Variants in CSMD3 observed in about 807,000 individuals in gnomAD.
The protein encoded by CSMD3 is CUB and Sushi multiple domains 3, also known as CUB and sushi domain-containing protein 3.
CSMD3 carries 177 observed loss-of-function variants against 435.2 expected under a neutral mutation model. The ratio of observed to expected loss-of-function variants is 0.41; its 90% CI spans 0.36 to 0.46. CSMD3 has a LOEUF of 0.46. CSMD3 is among the 20% of genes least tolerant of loss of function. CSMD3 has a pLI of 0.34. For synonymous variants in CSMD3, 1,656 were observed against 1,520.5 expected, an observed-to-expected ratio of 1.09 and a Z score of -2.07; for missense variants, 4,265 against 4,504.6, an observed-to-expected ratio of 0.95 and a Z score of 1.52.
intron 32 of CSMD3, among the ~76,000 whole-genome samples, chr8:112,421,993 G>A (rs1018513519): frequency 6.6e-6 from 1 of 151,906 alleles, no homozygotes; most frequent in African/African-American, 2.4e-5. Context: ...AAATTAGTAA[G>A]CTAAAAAGGG....
intron 1 of CSMD3, among the ~76,000 whole-genome samples, chr8:113,328,209 C>T (rs2093998411): frequency 6.6e-6 from 1 of 151,618 alleles, no homozygotes; most frequent in Non-Finnish European, 1.5e-5. Context: ...GAGGCCGAGG[C>T]GGGCGGATCA....
At chr8:112,382,881 C>T (rs535134065) in intron 37 of CSMD3, among the ~76,000 whole-genome samples, 3 of 152,264 alleles carry the variant, frequency 2.0e-5, no homozygotes, top group Admixed American at 6.5e-5. Flanking sequence ...ATCCCAGCTA[C>T]TCTGGAGGCT....
intron 22 of CSMD3, among the ~76,000 whole-genome samples, chr8:112,617,867 A>G (rs1833778542): frequency 6.6e-6 from 1 of 152,146 alleles, no homozygotes; most frequent in Non-Finnish European, 1.5e-5. Context: ...CCAAGTCTTC[A>G]CTTCAATTTA....
chr8:112,776,416 T>A (rs1332439721), intron 13 of CSMD3, among the ~76,000 whole-genome samples: 1 of 151,764 alleles, frequency 6.6e-6, no homozygotes, highest in Non-Finnish European at 1.5e-5. Context: ...TCAACTTGAC[T>A]AAGATTTAGG....
At chr8:112,427,953 C>A (rs970327104) in intron 32 of CSMD3, among the ~76,000 whole-genome samples, 3 of 152,110 alleles carry the variant, frequency 2.0e-5, no homozygotes, top group Non-Finnish European at 2.9e-5. Flanking sequence ...ATCTAAAATG[C>A]AAATATGATC....
intron 1 of CSMD3, among the ~76,000 whole-genome samples, chr8:113,401,675 A>C (rs1195309337): frequency 6.6e-6 from 1 of 151,722 alleles, no homozygotes; most frequent in Non-Finnish European, 1.5e-5. Context: ...GTTAAAGTTA[A>C]CATAGACAGC....
At chr8:112,377,036 A>G (rs1204182051) in intron 38 of CSMD3, among the ~76,000 whole-genome samples, 2 of 152,248 alleles carry the variant, frequency 1.3e-5, no homozygotes, top group South Asian at 2.1e-4. Flanking sequence ...TTTTATGATG[A>G]AAAGTTTTGC....
At chr8:112,903,159 A>AG (rs1233384727) in intron 10 of CSMD3, among the ~76,000 whole-genome samples, 40 of 131,592 alleles carry the variant, frequency 3.0e-4, no homozygotes, top group Non-Finnish European at 5.5e-4. Flanking sequence ...GGCAAAAAAA[A>AG]AAAAAAAAAA....
chr8:113,219,298 C>T (rs569870345), intron 3 of CSMD3, among the ~76,000 whole-genome samples: 26 of 150,986 alleles, frequency 1.7e-4, no homozygotes, highest in East Asian at 1.6e-3. Flanking sequence ...TATACCTATC[C>T]GCAAATGACA....
intron 3 of CSMD3, among the ~76,000 whole-genome samples, chr8:113,228,414 A>G (rs970574798): frequency 6.6e-6 from 1 of 151,640 alleles, no homozygotes; most frequent in Non-Finnish European, 1.5e-5. Context: ...TAATAGTTCT[A>G]TGTTTATAAG....
intron 10 of CSMD3, among the ~76,000 whole-genome samples, chr8:112,893,516 C>T (rs2081862258): frequency 6.6e-6 from 1 of 151,504 alleles, no homozygotes; most frequent in African/African-American, 2.4e-5. Context: ...GAACCACTCA[C>T]TGGCTTAGAT....
At chr8:113,209,912 T>A (rs2132071341) in intron 3 of CSMD3, among the ~76,000 whole-genome samples, 1 of 152,084 alleles carries the variant, frequency 6.6e-6, no homozygotes, top group Admixed American at 6.6e-5. Flanking sequence ...AAACCCAAAC[T>A]TTAAAAATGC....
chr8:112,546,327 G>A (rs1442656311), intron 27 of CSMD3, among the ~76,000 whole-genome samples: 1 of 152,188 alleles, frequency 6.6e-6, no homozygotes, highest in Non-Finnish European at 1.5e-5. Context: ...GAAATGTGGA[G>A]AAAAGTTTTG....
intron 14 of CSMD3, among the ~76,000 whole-genome samples, chr8:112,687,434 T>A (rs536796873): frequency 5.3e-5 from 8 of 152,174 alleles, no homozygotes; most frequent in Non-Finnish European, 1.2e-4. Context: ...ATTTTAGTAT[T>A]TTGGCATAAA....
intron 10 of CSMD3, among the ~76,000 whole-genome samples, chr8:112,882,316 C>T (rs924243325): frequency 2.0e-5 from 3 of 151,986 alleles, no homozygotes; most frequent in Admixed American, 1.3e-4. Context: ...AAATTAACAG[C>T]TTCTCTTTGC....
At chr8:112,339,618 C>T (rs962218746) in intron 42 of CSMD3, among the ~76,000 whole-genome samples, 13 of 152,086 alleles carry the variant, frequency 8.5e-5, no homozygotes, top group Admixed American at 5.9e-4. Flanking sequence ...AATCTTGTAC[C>T]GGTGACAACA....
At chr8:112,237,132 A>C in intron 67 of CSMD3, 58 bp downstream of exon 67, 1 of 1,546,344 alleles carries the variant, frequency 6.5e-7, no homozygotes, top group Non-Finnish European at 8.9e-7. Context: ...AAAATGATGA[A>C]ATCATAATAG....
intron 6 of CSMD3, among the ~76,000 whole-genome samples, chr8:112,999,000 A>C (rs1304951850): frequency 6.6e-6 from 1 of 151,956 alleles, no homozygotes; most frequent in African/African-American, 2.4e-5. Context: ...ACCCAATCTC[A>C]GGTATTTCTT....
chr8:113,241,958 T>C (rs2093223100), intron 3 of CSMD3, among the ~76,000 whole-genome samples: 2 of 151,382 alleles, frequency 1.3e-5, no homozygotes, highest in South Asian at 2.1e-4. Context: ...TATATATATA[T>C]ATACACACAC....
Sources: allele counts gnomAD v4.1 joint callset (sites outside exome capture counted in the v4.1 genomes callset), GRCh38; gene constraint gnomAD v4.1.1; transcripts MANE v1.5; gene names NCBI Gene and HGNC (gene_info 2026-07-23, HGNC 2026-07-21).